JMY: variants seen among roughly 807,000 people sequenced by gnomAD.
JMY encodes the protein junction mediating and regulatory protein, p53 cofactor.
Under a neutral mutation model 103.3 loss-of-function variants are expected in JMY, and 46 were observed. That is an observed-to-expected ratio of 0.45 (90% CI 0.35 to 0.57). JMY has a LOEUF of 0.57. Among genes scored for constraint, JMY ranks in the 20% least tolerant of loss-of-function variants. JMY has a pLI of 0.00. For synonymous variants in JMY, 526 were observed against 489.3 expected (o/e 1.07, Z -0.99); for missense variants, 1,238 against 1,255.2 (o/e 0.99, Z 0.21).
chr5:79,239,859 G>A lies in JMY; in HGVS notation c.1032+2177G>A, dbSNP rs925333587. 5.3e-5 allele frequency among the ~76,000 whole-genome samples: 8 copies of A among 151,278 alleles called. No homozygotes were observed. In the South Asian group the frequency reaches 1.7e-3, roughly 31 times the overall value. ...AAAAAGAGAAAAAGCGACTATCTCC[G>A]GTTTTTTAATTCAAATGGGTCAAAA... On this transcript the variant is annotated intron_variant, in intron 1 of 10. Transcript: ENST00000396137.
At chr5:79,317,991 G>A (rs930338853) in intron 10 of JMY, among the ~76,000 whole-genome samples, 2 of 152,140 alleles carry the variant, frequency 1.3e-5, no homozygotes, top group African/African-American at 4.8e-5. Flanking sequence ...AGAATTCTGA[G>A]TAGAACAACA....
chr5:79,282,839 A>G (rs955763464), intron 2 of JMY, among the ~76,000 whole-genome samples: 2 of 152,156 alleles, frequency 1.3e-5, no homozygotes, highest in South Asian at 4.1e-4. Context: ...TGTTATCCAC[A>G]GGGTGTGAAT....
chr5:79,260,695 AT>A (rs889618470), intron 1 of JMY, among the ~76,000 whole-genome samples: 1 of 147,628 alleles, frequency 6.8e-6, no homozygotes, highest in Non-Finnish European at 1.5e-5. Context: ...CTGGCCCCAG[AT>A]TTTTTTTTTC....
At chr5:79,310,632 A>G (rs1747018526) in intron 7 of JMY, among the ~76,000 whole-genome samples, 1 of 152,216 alleles carries the variant, frequency 6.6e-6, no homozygotes, top group African/African-American at 2.4e-5. Flanking sequence ...TATTATTGCA[A>G]CAGTTTCCCC....
intron 1 of JMY, among the ~76,000 whole-genome samples, chr5:79,253,675 A>G (rs1745156750): frequency 1.3e-5 from 2 of 152,006 alleles, no homozygotes; most frequent in African/African-American, 2.4e-5. Context: ...TTTACTTACT[A>G]TTATCAGTGA....
intron 2 of JMY, chr5:79,284,451 GC>G (rs1746210305): frequency 5.7e-6 from 9 of 1,567,080 alleles, no homozygotes; most frequent in Non-Finnish European, 8.7e-7. Flanking sequence ...ACCCGTTGGT[GC>G]TGGGCATAAG....
At chr5:79,260,325 C>T (rs946563467) in intron 1 of JMY, among the ~76,000 whole-genome samples, 7 of 152,152 alleles carry the variant, frequency 4.6e-5, no homozygotes, top group African/African-American at 1.4e-4. Flanking sequence ...CACAGGAAAC[C>T]CACTGCCACC....
chr5:79,280,801 T>A (rs970013082), intron 2 of JMY, among the ~76,000 whole-genome samples: 1 of 152,080 alleles, frequency 6.6e-6, no homozygotes, highest in Non-Finnish European at 1.5e-5. Context: ...ACAGCTAATT[T>A]GTAAGTGGTA....
intron 1 of JMY, among the ~76,000 whole-genome samples, chr5:79,246,203 T>C (rs1023296590): frequency 6.6e-6 from 1 of 152,238 alleles, no homozygotes; most frequent in African/African-American, 2.4e-5. Flanking sequence ...CTGAAAGTTA[T>C]ACTTGCAAAG....
intron 6 of JMY, among the ~76,000 whole-genome samples, chr5:79,304,334 CAT>C (rs1746821436): frequency 6.6e-6 from 1 of 152,132 alleles, no homozygotes; most frequent in Non-Finnish European, 1.5e-5. Context: ...CCCTATGTAA[CAT>C]AATCCTATAT....
At chr5:79,277,676 G>A (rs1203756102) in intron 1 of JMY, among the ~76,000 whole-genome samples, 3 of 151,900 alleles carry the variant, frequency 2.0e-5, no homozygotes, top group African/African-American at 7.3e-5. Context: ...AATGGGAAGT[G>A]TTAAGGCTAA....
chr5:79,321,146 A>C (rs1046436318), intron 10 of JMY, among the ~76,000 whole-genome samples: 5 of 152,224 alleles, frequency 3.3e-5, no homozygotes, highest in African/African-American at 9.6e-5. Flanking sequence ...TGTCTTTTAT[A>C]TAAATGCTCC....
intron 1 of JMY, among the ~76,000 whole-genome samples, chr5:79,250,389 G>A (rs1229562032): frequency 2.0e-5 from 3 of 152,098 alleles, no homozygotes; most frequent in South Asian, 4.1e-4. Context: ...AGTTAAAACG[G>A]TGATTCTAGT....
intron 4 of JMY, among the ~76,000 whole-genome samples, chr5:79,293,703 G>C (rs1746488808): frequency 6.6e-6 from 1 of 152,032 alleles, no homozygotes; most frequent in Non-Finnish European, 1.5e-5. Context: ...CTATATCTGA[G>C]CCTCTTATTT....
chr5:79,284,983 A>G (rs1746226104), intron 2 of JMY: 2 of 1,030,954 alleles, frequency 1.9e-6, no homozygotes, highest in Non-Finnish European at 1.4e-6. Context: ...TTGAAACTAG[A>G]CGAACCTCTA....
Position 79,291,283 on chromosome 5 carries a change from A to G in JMY, c.1511A>G (p.His504Arg), listed in dbSNP as rs756786743. The change falls in exon 4 of 11, where the codon CAT becomes CGT. Residue 504 changes from histidine (H) to arginine (R), a missense_variant. By Grantham distance (29) the His-to-Arg change is conservative. Transcript: ENST00000396137. ...GAGATATGCTTGGAACAGCGGAAACATGCACTAAAGGAAGAGGTAACAAAA... is the reference window on the plus strand; with the variant it reads ...GAGATATGCTTGGAACAGCGGAAACGTGCACTAAAGGAAGAGGTAACAAAA... ...AKEICLEQRK[H>R]ALKEEMQSLR... The G allele has an allele frequency of 7.2e-5, 113 of 1,576,726 alleles. No homozygotes were observed. The highest frequency in any genetic ancestry group is 9.3e-5 in the Non-Finnish European group (108 of 1,165,146).
At chr5:79,255,314 C>G (rs907092015) in intron 1 of JMY, among the ~76,000 whole-genome samples, 33 of 152,120 alleles carry the variant, frequency 2.2e-4, no homozygotes, top group African/African-American at 7.5e-4. Flanking sequence ...CCAGGCTGGT[C>G]TGGAACTCCT....
intron 1 of JMY, among the ~76,000 whole-genome samples, chr5:79,253,159 T>C (rs1745138939): frequency 1.3e-5 from 2 of 152,192 alleles, no homozygotes; most frequent in African/African-American, 4.8e-5. Flanking sequence ...TGATAACAAC[T>C]TACCACTAAT....
At chr5:79,318,757 T>TAGAGAGAG (rs1381346517) in intron 10 of JMY, among the ~76,000 whole-genome samples, 1 of 24,696 alleles carries the variant, frequency 4.0e-5, no homozygotes, top group Non-Finnish European at 7.5e-5. Flanking sequence ...TATATATATA[T>TAGAGAGAG]ATATAGAGAG....
Sources: gnomAD v4.1 joint callset for allele counts (sites outside exome capture counted in the v4.1 genomes callset) on GRCh38, gnomAD v4.1.1 for gene constraint, MANE v1.5 for transcripts, NCBI Gene and HGNC (gene_info 2026-07-23, HGNC 2026-07-21) for gene names.